CFAP251: variants seen among roughly 807,000 people sequenced by gnomAD.
CFAP251 encodes the protein cilia- and flagella-associated protein 251.
A neutral mutation model predicts 126.7 loss-of-function variants in CFAP251; 93 were observed. That is an observed-to-expected ratio of 0.73 (90% confidence interval 0.62 to 0.87). CFAP251 has a LOEUF of 0.87. Among genes scored for constraint, CFAP251 ranks in the 40% least tolerant of loss-of-function variants. CFAP251 has a pLI of 0.00. For missense variants in CFAP251, 1,287 were observed against 1,389.2 expected (o/e 0.93, Z 1.17); for synonymous variants, 503 against 506.9 (o/e 0.99, Z 0.10).
chr12:121,986,589 G>A (rs1483221521), intron 19 of CFAP251, among the ~76,000 whole-genome samples: 1 of 151,084 alleles, frequency 6.6e-6, no homozygotes, highest in Non-Finnish European at 1.5e-5. Flanking sequence ...GTGAGCCACC[G>A]CGCCCAGCCG....
intron 19 of CFAP251, among the ~76,000 whole-genome samples, chr12:121,996,591 T>C (rs1883025813): frequency 6.6e-6 from 1 of 152,186 alleles, no homozygotes; most frequent in Admixed American, 6.5e-5. Context: ...AACCTAGGCA[T>C]GTCAGCACCC....
Position 121,958,255 on chromosome 12 carries a change from C to A in CFAP251, c.1731-17C>A. The A allele has an allele frequency of 1.9e-6, 3 of 1,612,940 alleles. No individual in the cohort carries two copies. The highest frequency in any genetic ancestry group is 2.5e-6 in the Non-Finnish European group (3 of 1,179,050). ...CCTGCAAACACTGATATTGTTTGGT[C>A]TCTCCTTGGCAAACAGGAATTTTAT... On this transcript the variant is annotated splice_polypyrimidine_tract_variant and intron_variant, in intron 11 of 21. Transcript: ENST00000288912.
chr12:121,975,425 G>C, intron 18 of CFAP251, 91 bp downstream of exon 18: 7 of 1,569,204 alleles, frequency 4.5e-6, no homozygotes, highest in Non-Finnish European at 5.2e-6. Context: ...TTATTCCAAA[G>C]CTTTGTTCCC....
chr12:121,982,171 C>T (rs933781314), intron 19 of CFAP251, among the ~76,000 whole-genome samples: 9 of 151,764 alleles, frequency 5.9e-5, no homozygotes, highest in Admixed American at 1.3e-4. Context: ...AATGTCCAAA[C>T]GCCATCAAAT....
intron 19 of CFAP251, among the ~76,000 whole-genome samples, chr12:121,978,228 TAA>T (rs1021098422): frequency 2.1e-4 from 31 of 149,136 alleles, no homozygotes; most frequent in African/African-American, 6.9e-4. Flanking sequence ...CCGTCTCTAC[TAA>T]AAAAATACAA....
intron 15 of CFAP251, among the ~76,000 whole-genome samples, chr12:121,962,980 G>C (rs1364760258): frequency 6.6e-6 from 1 of 152,200 alleles, no homozygotes; most frequent in Non-Finnish European, 1.5e-5. Context: ...GTACGGGCTG[G>C]TGCCAGGCAC....
intron 14 of CFAP251, 120 bp downstream of exon 14, chr12:121,960,878 C>T: frequency 1.7e-6 from 2 of 1,212,066 alleles, no homozygotes; most frequent in Non-Finnish European, 2.3e-6. Flanking sequence ...AAAATGAATG[C>T]ACAGTGAAGG....
chr12:121,933,421 G>A (rs1880768473), intron 4 of CFAP251: 1 of 152,654 alleles, frequency 6.6e-6, no homozygotes, highest in South Asian at 2.1e-4. Context: ...GAAGGAAGGA[G>A]GGAAGAGGGG....
At chr12:121,957,486 C>T (rs1052961966) in intron 11 of CFAP251, among the ~76,000 whole-genome samples, 1 of 151,828 alleles carries the variant, frequency 6.6e-6, no homozygotes, top group African/African-American at 2.4e-5. Flanking sequence ...GGGTGGATCA[C>T]GAGGTCAGGA....
rs1395532382 is a variant in CFAP251 at position 121,989,672 on chromosome 12, T to A, written c.3007-10044T>A. Among the ~76,000 whole-genome samples, 1 of 152,000 alleles carries A rather than the reference T, an allele frequency of 6.6e-6. No homozygotes were observed. Among genetic ancestry groups the A allele is most frequent in the Non-Finnish European group, 1.5e-5 (1 of 67,986 alleles). ...GTGGGAACAAGACACTGTGCCCCAT[T>A]AGTTGAGAATGTTCTAGAGGGTATT... On this transcript the variant is annotated intron_variant, in intron 19 of 21. Coordinates refer to ENST00000288912, the MANE Select transcript of CFAP251 (RefSeq NM_144668.6). This position sits in a 1 kb window ranked among gnomAD's most constrained non-coding sequence, Gnocchi z 4.2.
chr12:121,976,122 G>C (rs1031914316), intron 19 of CFAP251, among the ~76,000 whole-genome samples: 1 of 151,664 alleles, frequency 6.6e-6, no homozygotes, highest in African/African-American at 2.4e-5. Flanking sequence ...GGTTCTCCTG[G>C]CTCAGCCTTC....
chr12:121,945,354 T>A (rs895507401), intron 7 of CFAP251, among the ~76,000 whole-genome samples: 19 of 151,894 alleles, frequency 1.3e-4, no homozygotes, highest in African/African-American at 4.6e-4. Context: ...TTTCTTTTCT[T>A]TTTTTTTGAG....
intron 3 of CFAP251, among the ~76,000 whole-genome samples, chr12:121,927,943 G>T (rs1418140437): frequency 6.6e-6 from 1 of 152,204 alleles, no homozygotes; most frequent in Non-Finnish European, 1.5e-5. Context: ...ATTGATGTAA[G>T]CAGTGGCTAT....
chr12:121,997,381 C>T (rs951293550), intron 19 of CFAP251: 1 of 132,552 alleles, frequency 7.5e-6, no homozygotes, highest in African/African-American at 2.9e-5. Context: ...TGTGAGTCAC[C>T]GTTCCTGACC....
At chr12:121,949,139 A>C in intron 8 of CFAP251, 78 bp downstream of exon 8, 1 of 893,382 alleles carries the variant, frequency 1.1e-6, no homozygotes, top group Non-Finnish European at 1.7e-6. Flanking sequence ...TGTTTCAGTA[A>C]TGTAACAATA....
At chr12:121,920,429 C>T (rs1273589756) in intron 1 of CFAP251, among the ~76,000 whole-genome samples, 7 of 148,700 alleles carry the variant, frequency 4.7e-5, no homozygotes, top group Admixed American at 2.7e-4. Flanking sequence ...CGGAGTCTCG[C>T]TGTGTTGCCC....
chr12:121,928,625 T>TGTGTGTATATATATATATATAC (rs1880512155), intron 3 of CFAP251, among the ~76,000 whole-genome samples: 1 of 35,268 alleles, frequency 2.8e-5, no homozygotes, highest in South Asian at 9.5e-4. Context: ...TATGTATATG[T>TGTGTGTATATATATATATATAC]GTATATATAT....
chr12:122,001,592 G>A lies in CFAP251; in HGVS notation c.3331G>A (p.Val1111Ile), dbSNP rs759328864. The A allele has an allele frequency of 1.4e-4, 226 of 1,613,838 alleles. No homozygotes were observed. The highest frequency in any genetic ancestry group is 1.8e-4 in the Non-Finnish European group (218 of 1,179,884). ...GAAATCCGAGCCTGCAACCTGCTCC[G>A]TCAAAGGTACCCCAGCTGGCTTTGT... ...GWKSEPATCS[V>I]KGSEICLEEE... The change falls in exon 21 of 22, where the codon GTC becomes ATC. Residue 1111 changes from valine to isoleucine, a missense_variant. Val to Ile is a conservative substitution (Grantham distance 29). Coordinates refer to ENST00000288912, the MANE Select transcript of CFAP251 (RefSeq NM_144668.6).
At chr12:121,975,496 A>C (rs2135799321) in intron 18 of CFAP251, 46 bp from the exon 19 acceptor site, 19 of 1,602,524 alleles carry the variant, frequency 1.2e-5, no homozygotes, top group Non-Finnish European at 1.5e-5. Context: ...GATGCTTCAG[A>C]CTTAAGCCTA....
Sources: gnomAD v4.1 joint callset for allele counts (sites outside exome capture counted in the v4.1 genomes callset) on GRCh38, gnomAD v4.1.1 for gene constraint, Gnocchi (gnomAD v3.1) non-coding constraint, MANE v1.5 for transcripts, NCBI Gene and HGNC (gene_info 2026-07-23, HGNC 2026-07-21) for gene names.